Variants in RTL4 observed in about 807,000 individuals in gnomAD.
RTL4 encodes the protein retrotransposon Gag like 4, also known as retrotransposon Gag-like protein 4.
Under a neutral mutation model 5.3 loss-of-function variants are expected in RTL4, and 4 were observed. That is an observed-to-expected ratio of 0.75 (90% CI 0.37 to 1.72). The LOEUF is 1.72. Ranked by LOEUF, RTL4 falls within the 40% of genes most tolerant of loss-of-function variation. The pLI, the probability that RTL4 is intolerant of heterozygous loss-of-function variation, is 0.04. For synonymous variants in RTL4, 98 were observed against 87.3 expected, an observed-to-expected ratio of 1.12 and a Z score of -0.68; for missense variants, 260 against 227.1, an observed-to-expected ratio of 1.14 and a Z score of -0.93.
At chrX:112,207,672 G>A in the RTL4 span, among the ~76,000 whole-genome samples, 420 of 103,749 alleles carry the variant, frequency 4.0e-3, 12 homozygotes, top group Admixed American at 0.037. Context: ...AATCTTCTGT[G>A]GAACCCCAAT....
chrX:112,447,145 G>T, the RTL4 span, among the ~76,000 whole-genome samples: 1 of 111,972 alleles, frequency 8.9e-6, no homozygotes, highest in Non-Finnish European at 1.9e-5. Flanking sequence ...CAAGTAATAT[G>T]CTAAGTGGCT....
the RTL4 span, among the ~76,000 whole-genome samples, chrX:112,184,563 G>A: frequency 6.3e-5 from 7 of 111,893 alleles, no homozygotes; most frequent in African/African-American, 1.9e-4. Context: ...TCTAGTCCAC[G>A]TTTCCTTCCT....
the RTL4 span, among the ~76,000 whole-genome samples, chrX:112,404,247 T>A: frequency 8.9e-6 from 1 of 112,280 alleles, no homozygotes; most frequent in Non-Finnish European, 1.9e-5. Flanking sequence ...TACATTGTCG[T>A]ATTCATATGC....
chrX:112,308,547 T>C, the RTL4 span, among the ~76,000 whole-genome samples: 1 of 111,444 alleles, frequency 9.0e-6, no homozygotes, highest in South Asian at 3.8e-4. Context: ...GAGGACAGGT[T>C]GGGCTTAGGG....
At chrX:112,341,291 A>G in the RTL4 span, among the ~76,000 whole-genome samples, 3 of 111,891 alleles carry the variant, frequency 2.7e-5, no homozygotes, top group African/African-American at 9.8e-5. Flanking sequence ...TCCCTACTCA[A>G]CCAGGATCCA....
At chrX:112,307,844 C>T in the RTL4 span, among the ~76,000 whole-genome samples, 2 of 111,836 alleles carry the variant, frequency 1.8e-5, no homozygotes, top group Non-Finnish European at 3.8e-5. Flanking sequence ...TCTACCCTCA[C>T]AATTCCTTTG....
At chrX:112,379,233 T>C in the RTL4 span, among the ~76,000 whole-genome samples, 4 of 112,092 alleles carry the variant, frequency 3.6e-5, no homozygotes, top group Admixed American at 2.8e-4. Flanking sequence ...GAAGATGATA[T>C]CCTATGAGAA....
chrX:112,135,051 C>G, the RTL4 span, among the ~76,000 whole-genome samples: 4 of 112,094 alleles, frequency 3.6e-5, 1 homozygote, highest in Middle Eastern at 0.014. Flanking sequence ...TCTCCTTTCT[C>G]TTAGATAAAC....
the RTL4 span, among the ~76,000 whole-genome samples, chrX:112,202,918 C>G: frequency 9.0e-6 from 1 of 111,483 alleles, no homozygotes; most frequent in Non-Finnish European, 1.9e-5. Context: ...ACTGCATCTT[C>G]CCTGGTATAT....
chrX:112,189,175 C>T, the RTL4 span, among the ~76,000 whole-genome samples: 2 of 110,872 alleles, frequency 1.8e-5, no homozygotes, highest in African/African-American at 6.6e-5. Context: ...AGGAAGATTG[C>T]TTGAAGCCAG....
the RTL4 span, among the ~76,000 whole-genome samples, chrX:112,214,811 C>T: frequency 9.1e-6 from 1 of 109,512 alleles, no homozygotes; most frequent in Non-Finnish European, 1.9e-5. Flanking sequence ...TTTTGTGAGA[C>T]GGAGTCTCTC....
the RTL4 span, among the ~76,000 whole-genome samples, chrX:112,251,916 A>G: frequency 8.9e-6 from 1 of 111,964 alleles, no homozygotes; most frequent in Non-Finnish European, 1.9e-5. Context: ...CGTTGTAGCC[A>G]TTCTAATAAC....
chrX:112,365,089 T>C, the RTL4 span, among the ~76,000 whole-genome samples: 1 of 110,632 alleles, frequency 9.0e-6, no homozygotes, highest in South Asian at 3.8e-4. Context: ...CAGTCTTTAA[T>C]AGGGAAAAAG....
the RTL4 span, among the ~76,000 whole-genome samples, chrX:112,247,847 T>A: frequency 8.9e-6 from 1 of 111,818 alleles, no homozygotes; most frequent in Non-Finnish European, 1.9e-5. Flanking sequence ...CCTATTGGCC[T>A]CAACTTGAGC....
At chrX:112,380,885 G>A in the RTL4 span, among the ~76,000 whole-genome samples, 1 of 111,945 alleles carries the variant, frequency 8.9e-6, no homozygotes, top group Non-Finnish European at 1.9e-5. Context: ...CCTGGAGGAA[G>A]GCCAGAAGAG....
the RTL4 span, among the ~76,000 whole-genome samples, chrX:112,439,123 T>C: frequency 2.0e-4 from 22 of 111,799 alleles, no homozygotes; most frequent in Non-Finnish European, 3.6e-4. Flanking sequence ...CACCAGTTCT[T>C]GAGCCAGCAC....
At chrX:112,172,736 A>T in the RTL4 span, among the ~76,000 whole-genome samples, 1 of 111,606 alleles carries the variant, frequency 9.0e-6, no homozygotes, top group Non-Finnish European at 1.9e-5. Flanking sequence ...AATAGCAAAG[A>T]CATGGAATCA....
At chrX:112,247,080 A>G in the RTL4 span, among the ~76,000 whole-genome samples, 1 of 111,878 alleles carries the variant, frequency 8.9e-6, no homozygotes, top group Non-Finnish European at 1.9e-5. Flanking sequence ...TCAAAATGGA[A>G]TTTTGTAAAA....
At chrX:112,172,577 A>G in the RTL4 span, among the ~76,000 whole-genome samples, 1 of 111,458 alleles carries the variant, frequency 9.0e-6, no homozygotes, top group East Asian at 2.8e-4. Context: ...TAATAGTTCA[A>G]CCACGGTGGA....
Sources: allele counts gnomAD v4.1 joint callset (sites outside exome capture counted in the v4.1 genomes callset), GRCh38; gene constraint gnomAD v4.1.1; transcripts MANE v1.5; gene names NCBI Gene and HGNC (gene_info 2026-07-23, HGNC 2026-07-21).